Variants in COL21A1 observed in about 807,000 individuals in gnomAD.
COL21A1 encodes collagen type XXI alpha 1 chain, also known as collagen alpha-1(XXI) chain.
COL21A1 carries 149 observed loss-of-function variants against 137.9 expected under a neutral mutation model. The ratio of observed to expected loss-of-function variants is 1.08; its 90% CI spans 0.95 to 1.24. COL21A1 has a LOEUF of 1.24. Ranked by LOEUF, COL21A1 falls within the 50% of genes most tolerant of loss-of-function variation. The probability of loss-of-function intolerance (pLI) is 0.00; values close to 1 mark genes in which losing one functional copy is unlikely to be tolerated. For synonymous variants in COL21A1, 456 were observed against 391.5 expected, an observed-to-expected ratio of 1.16 and a Z score of -1.95; for missense variants, 1,167 against 1,158.4, an observed-to-expected ratio of 1.01 and a Z score of -0.11.
chr6:56,363,665 C>A (rs1430461226), intron 1 of COL21A1, among the ~76,000 whole-genome samples: 1 of 152,184 alleles, frequency 6.6e-6, no homozygotes, highest in East Asian at 1.9e-4. Flanking sequence ...TTTAAACTCA[C>A]CTTGGACATT....
At chr6:56,345,193 A>G (rs186598333) in intron 1 of COL21A1, among the ~76,000 whole-genome samples, 2 of 152,268 alleles carry the variant, frequency 1.3e-5, no homozygotes, top group Admixed American at 1.3e-4. Context: ...AACACGGATT[A>G]CTTCTGGGTG....
At position 56,244,663 on chromosome 6, in the gene COL21A1, T is replaced by G. The variant is rs368284113; in HGVS notation, c.-39+2724A>C. On this transcript the variant is annotated intron_variant, in intron 1 of 29. Coordinates refer to ENST00000244728, the MANE Select transcript of COL21A1 (RefSeq NM_030820.4). ...CTTAGATGCCGGAACTTGCTTTATG[T>G]TTAGTCTTATAGAAGTCATATATGA... Among the ~76,000 whole-genome samples, 53 of 152,312 alleles carry G rather than the reference T, an allele frequency of 3.5e-4. No individual in the cohort carries two copies. In the South Asian group the frequency reaches 0.011, roughly 32 times the overall value.
At chr6:56,216,518 G>T (rs935474845) in intron 1 of COL21A1, among the ~76,000 whole-genome samples, 2 of 151,954 alleles carry the variant, frequency 1.3e-5, no homozygotes, top group Non-Finnish European at 2.9e-5. Flanking sequence ...TGAAAATTCT[G>T]CCCCATCTCT....
intron 1 of COL21A1, among the ~76,000 whole-genome samples, chr6:56,270,668 C>T (rs1356580243): frequency 6.6e-6 from 1 of 152,046 alleles, no homozygotes; most frequent in Non-Finnish European, 1.5e-5. Flanking sequence ...AATTGTAATC[C>T]CCACGTGTCC....
intron 3 of COL21A1, among the ~76,000 whole-genome samples, chr6:56,172,109 T>C (rs1015448593): frequency 1.3e-5 from 2 of 149,484 alleles, no homozygotes; most frequent in Non-Finnish European, 3.0e-5. Context: ...GACAAAAAGC[T>C]TATTTAAAGA....
At chr6:56,119,372 A>G (rs1475254591) in intron 16 of COL21A1, among the ~76,000 whole-genome samples, 1 of 152,186 alleles carries the variant, frequency 6.6e-6, no homozygotes, top group Non-Finnish European at 1.5e-5. Flanking sequence ...GATCTCTACA[A>G]TGAAAGTTAT....
At chr6:56,276,579 G>A (rs1763661081) in intron 1 of COL21A1, 1 of 1,387,656 alleles carries the variant, frequency 7.2e-7, no homozygotes, top group Non-Finnish European at 1.0e-6. Context: ...TTCTCCTCCT[G>A]GACATCAGAG....
At chr6:56,252,113 A>T (rs534221829), upstream of COL21A1, among the ~76,000 whole-genome samples, 1 of 152,320 alleles carries the variant, frequency 6.6e-6, no homozygotes, top group African/African-American at 2.4e-5. Flanking sequence ...GCTTAAATGT[A>T]TCAATTTCTC....
chr6:56,160,951 G>A (rs1376241777), intron 9 of COL21A1, among the ~76,000 whole-genome samples: 1 of 152,134 alleles, frequency 6.6e-6, no homozygotes, highest in Non-Finnish European at 1.5e-5. Flanking sequence ...AAGAGCATCT[G>A]ACCTAAGACC....
intron 1 of COL21A1, among the ~76,000 whole-genome samples, chr6:56,208,384 GACAA>G (rs1198998686): frequency 5.9e-5 from 9 of 152,022 alleles, no homozygotes; most frequent in South Asian, 2.1e-4. Flanking sequence ...ACAAATAATA[GACAA>G]ACAGAGAGCC....
chr6:56,260,891 T>TGTGTGTGTAC, intron 1 of COL21A1, among the ~76,000 whole-genome samples: 1 of 150,770 alleles, frequency 6.6e-6, no homozygotes, highest in East Asian at 2.0e-4. Context: ...TGTGTGTGTG[T>TGTGTGTGTAC]GTACCTTTTA....
chr6:56,331,145 T>C (rs1434518543), intron 1 of COL21A1, among the ~76,000 whole-genome samples: 1 of 152,030 alleles, frequency 6.6e-6, no homozygotes, highest in Non-Finnish European at 1.5e-5. Flanking sequence ...AATGGAGTTA[T>C]TTGGTTTTTT....
chr6:56,093,019 C>T (rs1443116609), intron 17 of COL21A1, among the ~76,000 whole-genome samples: 1 of 152,126 alleles, frequency 6.6e-6, no homozygotes, highest in Non-Finnish European at 1.5e-5. Context: ...CTCCTCTTCC[C>T]TATGTGAAAT....
chr6:56,234,769 A>G (rs1781795824), intron 1 of COL21A1, among the ~76,000 whole-genome samples: 1 of 151,658 alleles, frequency 6.6e-6, no homozygotes, highest in Non-Finnish European at 1.5e-5. Flanking sequence ...CACACTCTTA[A>G]TCACTCTTGT....
intron 1 of COL21A1, among the ~76,000 whole-genome samples, chr6:56,201,891 G>C (rs1779432272): frequency 1.3e-5 from 2 of 152,042 alleles, no homozygotes; most frequent in South Asian, 4.2e-4. Context: ...AAAAATTAAT[G>C]AGAAACTAAA....
chr6:56,223,974 A>T (rs563772970), intron 1 of COL21A1, among the ~76,000 whole-genome samples: 1 of 152,044 alleles, frequency 6.6e-6, no homozygotes, highest in African/African-American at 2.4e-5. Context: ...GCCTTGGGAG[A>T]CAGTGTCTCT....
intron 1 of COL21A1, among the ~76,000 whole-genome samples, chr6:56,291,686 A>C (rs963365614): frequency 1.3e-5 from 2 of 152,220 alleles, no homozygotes; most frequent in Non-Finnish European, 2.9e-5. Context: ...CAAGAACCCC[A>C]AGGGATTCTT....
chr6:56,262,506 G>A (rs1763303093), intron 1 of COL21A1, among the ~76,000 whole-genome samples: 1 of 152,146 alleles, frequency 6.6e-6, no homozygotes, highest in Admixed American at 6.5e-5. Context: ...CCAGGAATCA[G>A]GAGGGCAAGA....
chr6:56,185,543 C>A (rs1320013171), intron 1 of COL21A1, among the ~76,000 whole-genome samples: 2 of 149,906 alleles, frequency 1.3e-5, no homozygotes, highest in South Asian at 2.1e-4. Context: ...TCACGCCATT[C>A]TCCTGCCTCA....
Sources: gnomAD v4.1 joint callset for allele counts (sites outside exome capture counted in the v4.1 genomes callset) on GRCh38, gnomAD v4.1.1 for gene constraint, MANE v1.5 for transcripts, NCBI Gene and HGNC (gene_info 2026-07-23, HGNC 2026-07-21) for gene names.